The following ALDH1A2 variants were observed in gnomAD, a reference collection of about 807,000 sequenced individuals.
ALDH1A2 encodes aldehyde dehydrogenase 1 family member A2, also known as retinal dehydrogenase 2.
Under a neutral mutation model 60.3 loss-of-function variants are expected in ALDH1A2, and 27 were observed. That is an observed-to-expected ratio of 0.45 (90% confidence interval 0.33 to 0.62). ALDH1A2 has a LOEUF of 0.62. Ranked by LOEUF, ALDH1A2 falls within the 20% of genes least tolerant of loss-of-function variation. ALDH1A2 has a pLI of 0.02. For synonymous variants in ALDH1A2, 289 were observed against 232.4 expected, an observed-to-expected ratio of 1.24 and a Z score of -2.21; for missense variants, 581 against 643.8, an observed-to-expected ratio of 0.90 and a Z score of 1.06.
intron 1 of ALDH1A2, among the ~76,000 whole-genome samples, chr15:58,048,713 T>C (rs1216129028): frequency 6.6e-6 from 1 of 152,070 alleles, no homozygotes; most frequent in African/African-American, 2.4e-5. Flanking sequence ...ACAACAGATC[T>C]AAAATGTCCA....
chr15:58,026,490 T>C lies in ALDH1A2; in HGVS notation c.118-12209A>G, dbSNP rs1287449681. Among the ~76,000 whole-genome samples the C allele has an allele frequency of 2.6e-5, 4 of 152,118 alleles. No homozygotes were observed. In the East Asian group the frequency reaches 5.8e-4, roughly 22 times the overall value. ...GTGATTTCTGCATTTCCAACTAAGG[T>C]ACCCGGTTCATTTCACTGGGACTGG... is the stretch of plus-strand genomic sequence containing the variant. On this transcript the variant is annotated intron_variant, in intron 1 of 12. Coordinates refer to ENST00000249750, the MANE Select transcript of ALDH1A2 (RefSeq NM_003888.4).
At chr15:57,995,684 G>A (rs1164352260) in intron 4 of ALDH1A2, among the ~76,000 whole-genome samples, 1 of 152,040 alleles carries the variant, frequency 6.6e-6, no homozygotes, top group African/African-American at 2.4e-5. Context: ...GGCATGTCCA[G>A]GGCTATTTAA....
chr15:58,019,191 T>C (rs1895858169), intron 1 of ALDH1A2, among the ~76,000 whole-genome samples: 1 of 152,136 alleles, frequency 6.6e-6, no homozygotes, highest in Non-Finnish European at 1.5e-5. Context: ...CATCTTTCAG[T>C]GCCTACCTTT....
intron 6 of ALDH1A2, 31 bp from the exon 7 acceptor site, chr15:57,992,849 T>C: frequency 3.7e-6 from 6 of 1,613,730 alleles, no homozygotes; most frequent in Non-Finnish European, 5.1e-6. Flanking sequence ...GAAACGTGGC[T>C]GATGAAAGCT....
At chr15:57,963,526 G>A (rs1220250825) in intron 9 of ALDH1A2, among the ~76,000 whole-genome samples, 1 of 151,456 alleles carries the variant, frequency 6.6e-6, no homozygotes, top group Non-Finnish European at 1.5e-5. Context: ...TGTATTTTTA[G>A]TAGAGACAGG....
intron 4 of ALDH1A2, among the ~76,000 whole-genome samples, chr15:58,001,152 C>T (rs1386507996): frequency 6.6e-6 from 1 of 150,896 alleles, no homozygotes; most frequent in Non-Finnish European, 1.5e-5. Context: ...GAGCAACTAT[C>T]ATTATCAGCA....
At position 58,061,706 on chromosome 15, in the gene ALDH1A2, A is replaced by C. The variant is rs80141046; in HGVS notation, c.117+3828T>G. ...GTGATGAAAACTATCAATTTCTTTA[A>C]AGTCAAGGCCAATGTCTTTCTTATG... is the stretch of plus-strand genomic sequence containing the variant. On this transcript the variant is annotated intron_variant, in intron 1 of 12. Coordinates refer to ENST00000249750, the MANE Select transcript of ALDH1A2 (RefSeq NM_003888.4). Among the ~76,000 whole-genome samples the C allele has an allele frequency of 6.1e-3, 923 of 151,778 alleles. 11 individuals carry two copies. The highest frequency in any genetic ancestry group is 0.021 in the African/African-American group (878 of 41,452).
chr15:58,053,537 T>G (rs150446345), intron 1 of ALDH1A2, among the ~76,000 whole-genome samples: 1 of 152,310 alleles, frequency 6.6e-6, no homozygotes, highest in East Asian at 1.9e-4. Flanking sequence ...TTTGGCTAAG[T>G]GTACTTTATG....
chr15:58,003,526 G>T (rs533385599), intron 4 of ALDH1A2, among the ~76,000 whole-genome samples: 2 of 151,938 alleles, frequency 1.3e-5, no homozygotes, highest in South Asian at 2.1e-4. Flanking sequence ...CTAACATATC[G>T]TAAGTCCATT....
intron 1 of ALDH1A2, among the ~76,000 whole-genome samples, chr15:58,049,117 T>A (rs1276758858): frequency 1.3e-5 from 2 of 152,154 alleles, no homozygotes; most frequent in African/African-American, 4.8e-5. Flanking sequence ...TATTTTACAA[T>A]TTATCCATGT....
intron 1 of ALDH1A2, among the ~76,000 whole-genome samples, chr15:58,037,981 G>A (rs1449558547): frequency 1.3e-5 from 2 of 151,536 alleles, no homozygotes; most frequent in Admixed American, 6.6e-5. Context: ...GCTAACATCT[G>A]TTAAACTCAG....
chr15:57,985,916 T>C lies in ALDH1A2; in HGVS notation c.798+6789A>G, dbSNP rs1158921047. 2.6e-5 allele frequency among the ~76,000 whole-genome samples: 4 copies of C among 152,196 alleles called. No individual in the cohort carries two copies. The East Asian group carries it at 7.7e-4, about 29-fold the overall frequency. ...GTACTGCTTAAATATTCAATATTAA[T>C]TAATTAAATCAAGGGCTTTTCCAAA... is the stretch of plus-strand genomic sequence containing the variant. On this transcript the variant is annotated intron_variant, in intron 7 of 12. Coordinates refer to ENST00000249750, the MANE Select transcript of ALDH1A2 (RefSeq NM_003888.4).
rs1893709384 is a variant in ALDH1A2 at position 57,961,239 on chromosome 15, T to G, written c.1307A>C (p.Glu436Ala). The G allele has an allele frequency of 6.2e-7, 1 of 1,614,018 alleles. No individual in the cohort carries two copies. Among genetic ancestry groups the G allele is most frequent in the South Asian group, 1.1e-5 (1 of 91,076 alleles). The change falls in exon 11 of 13, where the codon GAA (glutamate) becomes GCA (alanine). Residue 436 changes from glutamate to alanine, a missense_variant. Around this residue, in one of 2 missense-constraint regions of ALDH1A2, gnomAD observed 375 missense variants for 469.7 expected, o/e 0.80. Transcript: ENST00000249750. ...TCCAAAGTCTGAGTTATTGGCTCTT[T>G]CGATAACTTCATCCATCGTCTTAAA... ...LRFKTMDEVI[E>A]RANNSDFGLV...
intron 10 of ALDH1A2, among the ~76,000 whole-genome samples, chr15:57,961,529 G>A (rs367616346): frequency 3.3e-5 from 5 of 152,240 alleles, no homozygotes; most frequent in South Asian, 2.1e-4. Flanking sequence ...ATTCCACTGT[G>A]TATACTAGGG....
chr15:58,065,692 G>A lies in ALDH1A2; in HGVS notation c.-42C>T, dbSNP rs752778568. ...TCCCTAGCCCGCGGCGTGGGGCAGT[G>A]CGGGCTGTGCGCGCGGTCCGCGGCC... On this transcript the variant is annotated 5_prime_UTR_variant, in exon 1 of 13. Coordinates refer to ENST00000249750, the MANE Select transcript of ALDH1A2 (RefSeq NM_003888.4). 173 of 1,391,292 alleles carry A rather than the reference G, an allele frequency of 1.2e-4. 1 individual carries two copies. Among genetic ancestry groups the A allele is most frequent in the Non-Finnish European group, 4.5e-5 (46 of 1,033,152 alleles). 86.2% of individuals were successfully genotyped at this position (1,391,292 alleles called of 1,614,324 possible).
chr15:58,036,031 T>C (rs978337479), intron 1 of ALDH1A2, among the ~76,000 whole-genome samples: 1 of 151,718 alleles, frequency 6.6e-6, no homozygotes, highest in African/African-American at 2.4e-5. Flanking sequence ...AAATAATGTA[T>C]GCAAGGATAG....
chr15:57,994,848 T>C (rs915435622), intron 5 of ALDH1A2, among the ~76,000 whole-genome samples: 30 of 152,162 alleles, frequency 2.0e-4, no homozygotes, highest in Admixed American at 5.9e-4. Flanking sequence ...ATTTTAATCA[T>C]GAGAATTCCA....
At chr15:57,960,316 G>A (rs1479539788) in intron 12 of ALDH1A2, among the ~76,000 whole-genome samples, 1 of 152,168 alleles carries the variant, frequency 6.6e-6, no homozygotes, top group Non-Finnish European at 1.5e-5. Context: ...AATGGCTGAG[G>A]GAACGGGCAT....
At chr15:58,012,120 T>A (rs146093488) in intron 3 of ALDH1A2, 2 of 152,240 alleles carry the variant, frequency 1.3e-5, no homozygotes, top group Non-Finnish European at 2.9e-5. Context: ...AAAACAGGAA[T>A]CTCATTTAGG....
Sources: gnomAD v4.1 joint callset for allele counts (sites outside exome capture counted in the v4.1 genomes callset) on GRCh38, gnomAD v4.1.1 for gene constraint, gnomAD v4.1.1 regional missense constraint, MANE v1.5 for transcripts, NCBI Gene and HGNC (gene_info 2026-07-23, HGNC 2026-07-21) for gene names.